Variants in ZEB2 observed in about 807,000 individuals in gnomAD.
The protein encoded by ZEB2 is zinc finger E-box binding homeobox 2, also known as zinc finger E-box-binding homeobox 2.
A neutral mutation model predicts 99.9 loss-of-function variants in ZEB2; 6 were observed. The observed-to-expected ratio is 0.06, with a 90% CI of 0.03 to 0.12. ZEB2 has a LOEUF of 0.12. Among genes scored for constraint, ZEB2 ranks in the 10% least tolerant of loss-of-function variants. The pLI is 1.00. For synonymous variants in ZEB2, 517 were observed against 542.5 expected (o/e 0.95, Z 0.65); for missense variants, 969 against 1,502.8 (o/e 0.64, Z 5.87).
intron 2 of ZEB2, among the ~76,000 whole-genome samples, chr2:144,468,603 G>A (rs1003551576): frequency 2.0e-5 from 3 of 152,006 alleles, no homozygotes; most frequent in South Asian, 2.1e-4. Context: ...GAATTCCAAC[G>A]ATGGAGTTAG....
rs770555715 is a variant in ZEB2 at position 144,399,473 on chromosome 2, T to C, written c.1714A>G (p.Ile572Val). 2 of 1,614,216 alleles carry C rather than the reference T, an allele frequency of 1.2e-6. No homozygotes were observed. The highest frequency in any genetic ancestry group is 2.2e-5 in the South Asian group (2 of 91,090). Residue 572 changes from isoleucine (I) to valine (V), a missense_variant, in exon 8 of 10, where the codon ATT becomes GTT. Ile to Val is a conservative substitution (Grantham distance 29). Transcript: ENST00000627532. This position sits in a 1 kb window ranked among gnomAD's most constrained non-coding sequence, Gnocchi z 5.6. ...GGAGTGGATATGTTGTGGTTCTCAA[T>C]CATTTTGTCATCAGTGACCAAATCT... Reference protein sequence around the residue: ...LIDLVTDDKMIENHNISTPFS... With the variant: ...LIDLVTDDKMVENHNISTPFS...
Position 144,385,589 on chromosome 2 carries a change from A to G in ZEB2, c.*3862T>C, listed in dbSNP as rs532094118. On this transcript the variant is annotated 3_prime_UTR_variant, in exon 10 of 10. Transcript: ENST00000627532. ...TACATGTACATGGGATCACATAGTCAAATAAATGCAGCTGTGTTTATTACA... is the reference window on the plus strand; with the variant it reads ...TACATGTACATGGGATCACATAGTCGAATAAATGCAGCTGTGTTTATTACA... 1 of 152,324 alleles carries G rather than the reference A, an allele frequency of 6.6e-6. No individual in the cohort carries two copies. Among genetic ancestry groups the G allele is most frequent in the African/African-American group, 2.4e-5 (1 of 41,586 alleles). 9.4% of individuals were successfully genotyped at this position (152,324 alleles called of 1,614,324 possible). A position where few individuals can be genotyped will look rare whatever the true frequency, so the allele number is the denominator to read the frequency against.
intron 4 of ZEB2, among the ~76,000 whole-genome samples, chr2:144,418,361 G>T (rs773400863): frequency 3.3e-5 from 5 of 152,152 alleles, no homozygotes. Flanking sequence ...GGAGAAAACC[G>T]TTTACGATGT....
chr2:144,468,947 A>G (rs1007057795), intron 2 of ZEB2, among the ~76,000 whole-genome samples: 3 of 152,088 alleles, frequency 2.0e-5, no homozygotes, highest in Admixed American at 1.3e-4. Flanking sequence ...TACCTTGATC[A>G]TCCCTCAATT....
intron 2 of ZEB2, among the ~76,000 whole-genome samples, chr2:144,483,439 C>T (rs1232218271): frequency 3.3e-5 from 5 of 152,222 alleles, no homozygotes; most frequent in African/African-American, 9.6e-5. Context: ...GCAAATGTTA[C>T]CTTTTGTGTT....
rs973791918 is a variant in ZEB2, at chr2:144,386,317, T to C, written c.*3134A>G. 6 of 152,082 alleles carry C rather than the reference T, an allele frequency of 3.9e-5. No individual in the cohort carries two copies. Among genetic ancestry groups the C allele is most frequent in the African/African-American group, 1.2e-4 (5 of 41,416 alleles). 9.4% of individuals were successfully genotyped at this position (152,082 alleles called of 1,614,324 possible). ...GAAGAATCTTAAGACAAATCAAAAG[T>C]TTTTATTTTTCCCTAGAGTTAGAGG... On this transcript the variant is annotated 3_prime_UTR_variant, in exon 10 of 10. Transcript: ENST00000627532.
chr2:144,407,407 G>A (rs1703402208), intron 4 of ZEB2, among the ~76,000 whole-genome samples: 2 of 152,226 alleles, frequency 1.3e-5, no homozygotes, highest in African/African-American at 4.8e-5. Flanking sequence ...TATGCACAAT[G>A]TCATGGATGC....
rs539508684 is a variant in ZEB2 at position 144,502,104 on chromosome 2, G to A, written c.73+15174C>T. ...TTAGGGCAGGTAGAAATGTGGATGT[G>A]TTTTACCCCGGAGATTCCATTTCAG... On this transcript the variant is annotated intron_variant, in intron 2 of 9. Transcript: ENST00000627532. Among the ~76,000 whole-genome samples, 3 of 152,278 alleles carry A rather than the reference G, an allele frequency of 2.0e-5. No homozygotes were observed. In the East Asian group the frequency reaches 5.8e-4, roughly 29 times the overall value.
chr2:144,396,658 T>C lies in ZEB2; in HGVS notation c.2887-66A>G, dbSNP rs543723063. ...TGTGCTCACACCAAACAACTTCACA[T>C]AGGGGGACATTTGGAGAACCTCAAA... On this transcript the variant is annotated intron_variant, in intron 8 of 9. Transcript: ENST00000627532. 88 of 1,546,924 alleles carry C rather than the reference T, an allele frequency of 5.7e-5. 1 individual carries two copies. In the South Asian group the frequency reaches 7.7e-4, roughly 14 times the overall value.
At chr2:144,437,875 G>A (rs1703858170) in intron 2 of ZEB2, among the ~76,000 whole-genome samples, 1 of 152,310 alleles carries the variant, frequency 6.6e-6, no homozygotes, top group East Asian at 1.9e-4. Flanking sequence ...GGAATGTGCT[G>A]TAAAAAATAA....
At chr2:144,449,121 A>C (rs1327884794) in intron 2 of ZEB2, among the ~76,000 whole-genome samples, 2 of 152,220 alleles carry the variant, frequency 1.3e-5, no homozygotes, top group East Asian at 1.9e-4. Flanking sequence ...AGGAAGCTGC[A>C]CTACACTGAG....
At chr2:144,430,692 G>T in intron 2 of ZEB2, 1 of 163,520 alleles carries the variant, frequency 6.1e-6, no homozygotes. Flanking sequence ...CATAATTACA[G>T]AAGATTTCAA....
chr2:144,519,936 T>A lies in ZEB2; in HGVS notation c.-70+3A>T. 1 of 448,112 alleles carries A rather than the reference T, an allele frequency of 2.2e-6. No individual in the cohort carries two copies. Among genetic ancestry groups the A allele is most frequent in the Non-Finnish European group, 4.5e-6 (1 of 224,366 alleles). 27.8% of individuals were successfully genotyped at this position (448,112 alleles called of 1,614,324 possible). On this transcript the variant is annotated splice_donor_region_variant and intron_variant, in intron 1 of 9. Transcript: ENST00000627532. Reference sequence around the variant, plus strand: ...AGAGAAAAGGGGAGGAAAAAAAACCTACCTGCGAAGTCTTGTTTGTAGTTT... The same window carrying A: ...AGAGAAAAGGGGAGGAAAAAAAACCAACCTGCGAAGTCTTGTTTGTAGTTT...
In ZEB2 at chr2:144,410,478, G is replaced by A. The variant is rs140423654; in HGVS notation, c.404-5454C>T. ...AAAAATTATTGCCTAAAATTCAAGC[G>A]ATGTTAACAGAACTCTAAATAAAAG... On this transcript the variant is annotated intron_variant, in intron 4 of 9. Transcript: ENST00000627532. Among the ~76,000 whole-genome samples, 392 of 152,206 alleles carry A rather than the reference G, an allele frequency of 2.6e-3. 2 individuals carry two copies. The highest frequency in any genetic ancestry group is 9.2e-3 in the African/African-American group (382 of 41,518).
intron 6 of ZEB2, 52 bp downstream of exon 6, chr2:144,403,864 G>A (rs368861899): frequency 1.5e-4 from 242 of 1,602,950 alleles, no homozygotes; most frequent in African/African-American, 1.1e-3. Flanking sequence ...AAGCAATATC[G>A]TTTCTCTAAG....
At chr2:144,401,883 T>C (rs971711611) in intron 6 of ZEB2, among the ~76,000 whole-genome samples, 4 of 152,224 alleles carry the variant, frequency 2.6e-5, no homozygotes, top group Non-Finnish European at 5.9e-5. Context: ...CATTACATGA[T>C]GAGCATGTTT....
intron 8 of ZEB2, 121 bp from the exon 9 acceptor site, chr2:144,396,713 C>T: frequency 2.9e-6 from 3 of 1,051,926 alleles, no homozygotes; most frequent in Non-Finnish European, 4.2e-6. Context: ...TTGAGTTAAA[C>T]ATTTTTTTTT....
intron 4 of ZEB2, among the ~76,000 whole-genome samples, chr2:144,420,002 A>G (rs947118601): frequency 2.6e-5 from 4 of 152,192 alleles, no homozygotes; most frequent in Admixed American, 1.3e-4. Context: ...TCACTCTCTG[A>G]AGATACTTAG....
At chr2:144,444,049 G>T (rs773402941) in intron 2 of ZEB2, among the ~76,000 whole-genome samples, 1 of 152,102 alleles carries the variant, frequency 6.6e-6, no homozygotes, top group Non-Finnish European at 1.5e-5. Flanking sequence ...GAGCAAAAGA[G>T]GCCAAACAGA....
Sources: allele counts gnomAD v4.1 joint callset (sites outside exome capture counted in the v4.1 genomes callset), GRCh38; gene constraint gnomAD v4.1.1; non-coding constraint Gnocchi (gnomAD v3.1); transcripts MANE v1.5; gene names NCBI Gene and HGNC (gene_info 2026-07-23, HGNC 2026-07-21).